CDYL: variants seen among roughly 807,000 people sequenced by gnomAD.
CDYL encodes chromodomain Y like, also known as chromodomain Y-like protein.
In CDYL, 8 loss-of-function variants were observed where a neutral mutation model predicts 47.3. That is an observed-to-expected ratio of 0.17 (90% CI 0.10 to 0.31). CDYL has a LOEUF of 0.31. Among genes scored for constraint, CDYL ranks in the 10% least tolerant of loss-of-function variants. The pLI is 1.00. For missense variants in CDYL, 471 were observed against 701.4 expected, an observed-to-expected ratio of 0.67 and a Z score of 3.71; for synonymous variants, 266 against 265.0, an observed-to-expected ratio of 1.00 and a Z score of -0.04.
intron 1 of CDYL, among the ~76,000 whole-genome samples, chr6:4,793,362 G>A (rs2127435642): frequency 6.6e-6 from 1 of 152,296 alleles, no homozygotes; most frequent in Non-Finnish European, 1.5e-5. Context: ...TGGGGGTGGT[G>A]TTATTTTTAG....
chr6:4,856,747 G>A (rs866058081), intron 1 of CDYL, among the ~76,000 whole-genome samples: 1 of 152,182 alleles, frequency 6.6e-6, no homozygotes, highest in African/African-American at 2.4e-5. Context: ...CTTGGGGCCT[G>A]GGGGGAACTT....
intron 1 of CDYL, among the ~76,000 whole-genome samples, chr6:4,785,827 G>A (rs1758740797): frequency 6.6e-6 from 1 of 152,220 alleles, no homozygotes; most frequent in Non-Finnish European, 1.5e-5. Flanking sequence ...AAAAGGCTCT[G>A]CCAGAGGCAG....
intron 3 of CDYL, among the ~76,000 whole-genome samples, chr6:4,756,541 C>T (rs563954908): frequency 2.0e-4 from 30 of 151,154 alleles, no homozygotes; most frequent in African/African-American, 7.1e-4. Context: ...GCATATGTTG[C>T]CCTGTGTAGT....
At chr6:4,867,997 T>C (rs1761369981) in intron 1 of CDYL, among the ~76,000 whole-genome samples, 1 of 152,054 alleles carries the variant, frequency 6.6e-6, no homozygotes, top group South Asian at 2.1e-4. Flanking sequence ...TCATCTCTCT[T>C]CTTTTTTTGG....
At chr6:4,832,223 A>G (rs1760167388) in intron 1 of CDYL, among the ~76,000 whole-genome samples, 4 of 152,324 alleles carry the variant, frequency 2.6e-5, no homozygotes, top group South Asian at 2.1e-4. Context: ...TGTCATAGAT[A>G]GCTCTTATTA....
intron 3 of CDYL, among the ~76,000 whole-genome samples, chr6:4,768,147 C>G (rs1407818657): frequency 6.6e-6 from 1 of 152,182 alleles, no homozygotes; most frequent in Non-Finnish European, 1.5e-5. Context: ...GGAAAAAGCC[C>G]TTTCCTAAGC....
At chr6:4,878,429 T>C (rs1222553002) in intron 1 of CDYL, among the ~76,000 whole-genome samples, 1 of 151,774 alleles carries the variant, frequency 6.6e-6, no homozygotes, top group African/African-American at 2.4e-5. Context: ...TATAAATTAA[T>C]ATGTTAATGT....
rs746232500 is a variant in CDYL, at chr6:4,937,758, T to C, written c.1121+21T>C. Reference sequence around the variant, plus strand: ...ATCAGGTATGTAAAAATGATGTTTTTTAAACATTGGTTGGGTGTTTTGTTT... The same window carrying C: ...ATCAGGTATGTAAAAATGATGTTTTCTAAACATTGGTTGGGTGTTTTGTTT... On this transcript the variant is annotated intron_variant, in intron 4 of 6. Coordinates refer to ENST00000397588, the MANE Select transcript of CDYL (RefSeq NM_004824.4). The C allele has an allele frequency of 3.8e-6, 6 of 1,591,316 alleles. No homozygotes were observed. In the Admixed American group the frequency reaches 1.1e-4, roughly 29 times the overall value.
At chr6:4,902,107 T>A (rs1443267867) in intron 2 of CDYL, among the ~76,000 whole-genome samples, 3 of 151,854 alleles carry the variant, frequency 2.0e-5, no homozygotes, top group African/African-American at 4.8e-5. Flanking sequence ...ACAATAGAAA[T>A]GGCAATAGAG....
chr6:4,887,878 ACTT>A (rs763797710), intron 1 of CDYL, among the ~76,000 whole-genome samples: 129 of 132,210 alleles, frequency 9.8e-4, no homozygotes, highest in African/African-American at 3.5e-3. Context: ...TAGTTTACTG[ACTT>A]CTTTTTTTTT....
intron 1 of CDYL, among the ~76,000 whole-genome samples, chr6:4,831,454 C>A (rs1760141610): frequency 3.3e-5 from 5 of 152,126 alleles, no homozygotes. Flanking sequence ...GTTTTGGTAC[C>A]AGTACCATGC....
intron 1 of CDYL, among the ~76,000 whole-genome samples, chr6:4,820,503 C>T (rs150605377): frequency 1.3e-4 from 20 of 152,282 alleles, no homozygotes; most frequent in Non-Finnish European, 1.5e-4. Context: ...CTGGCAGCAT[C>T]GGACCTTTGG....
chr6:4,715,928 T>C (rs373417027), intron 2 of CDYL: 52 of 1,585,956 alleles, frequency 3.3e-5, no homozygotes, highest in Non-Finnish European at 4.3e-6. Context: ...GTAGGCAGAA[T>C]TCTTAGAGAG....
intron 1 of CDYL, among the ~76,000 whole-genome samples, chr6:4,845,601 G>A (rs956824079): frequency 6.6e-6 from 1 of 152,086 alleles, no homozygotes; most frequent in Non-Finnish European, 1.5e-5. Flanking sequence ...AATATTTTAC[G>A]CTTTCTTGGC....
chr6:4,853,043 C>A (rs756884211), intron 1 of CDYL, among the ~76,000 whole-genome samples: 5 of 152,214 alleles, frequency 3.3e-5, no homozygotes, highest in Non-Finnish European at 5.9e-5. Flanking sequence ...TCCTCTTGGG[C>A]CTCCCAAAGT....
At chr6:4,811,928 G>A (rs1443482163) in intron 1 of CDYL, among the ~76,000 whole-genome samples, 1 of 152,012 alleles carries the variant, frequency 6.6e-6, no homozygotes, top group Non-Finnish European at 1.5e-5. Context: ...CTTAGTGTTG[G>A]TCTCCCCTGG....
In CDYL at chr6:4,954,426, ATGTT is replaced by A. The variant is rs1758807158; in HGVS notation, c.*376_*379del. The A allele has an allele frequency of 6.4e-6, 1 of 155,576 alleles. No homozygotes were observed. The highest frequency in any genetic ancestry group is 6.5e-5 in the Admixed American group (1 of 15,362). The allele number at this position is 155,576 out of a possible 1,614,324, so 9.6% of individuals were successfully genotyped here. ...TTGGATGACAGAAAAGTCTGGAATAATGTTTGTTTTCCTCATTTCTTCCTTCTAG... is the reference window on the plus strand; with the variant it reads ...TTGGATGACAGAAAAGTCTGGAATAATGTTTTCCTCATTTCTTCCTTCTAG... On this transcript the variant is annotated 3_prime_UTR_variant, in exon 7 of 7. Transcript: ENST00000397588.
rs142353621 is a variant in CDYL at position 4,741,529 on chromosome 6, T to G, written c.186+6685T>G. On this transcript the variant is annotated intron_variant, in intron 3 of 8. Coordinates refer to the CDYL transcript ENST00000328908. The stretch of plus-strand genomic sequence containing the variant: ...CCCTCATCCTCATAGTTCCAGATGC[T>G]TGCTGAAGCTCCCCCAGAACATCCC... Among the ~76,000 whole-genome samples, 105 of 152,306 alleles carry G rather than the reference T, an allele frequency of 6.9e-4. 1 individual carries two copies. The South Asian group carries it at 0.016, about 23-fold the overall frequency.
At chr6:4,739,558 A>C (rs1757761302) in intron 3 of CDYL, among the ~76,000 whole-genome samples, 1 of 151,578 alleles carries the variant, frequency 6.6e-6, no homozygotes, top group African/African-American at 2.4e-5. Context: ...AAAAAATGCC[A>C]CGGATAGTTT....
Sources: allele counts gnomAD v4.1 joint callset (sites outside exome capture counted in the v4.1 genomes callset), GRCh38; gene constraint gnomAD v4.1.1; transcripts MANE v1.5; gene names NCBI Gene and HGNC (gene_info 2026-07-23, HGNC 2026-07-21).